Variants in LRRC37A observed in about 807,000 individuals in gnomAD.
The protein encoded by LRRC37A is leucine rich repeat containing 37A.
Under a neutral mutation model 35.4 loss-of-function variants are expected in LRRC37A, and 3 were observed. The observed-to-expected ratio is 0.08, with a 90% CI of 0.04 to 0.22. The LOEUF is 0.22. Among genes scored for constraint, LRRC37A ranks in the 10% least tolerant of loss-of-function variants. LRRC37A has a pLI of 1.00. For synonymous variants in LRRC37A, 23 were observed against 215.0 expected (o/e 0.11, Z 7.81); for missense variants, 67 against 565.3 (o/e 0.12, Z 8.94).
the LRRC37A span, among the ~76,000 whole-genome samples, chr17:46,253,973 G>C: frequency 6.6e-6 from 1 of 152,234 alleles, no homozygotes; most frequent in Non-Finnish European, 1.5e-5. Context: ...GAAGGGGGAT[G>C]CAAGTGGCCA....
At chr17:46,317,093 T>C (rs1180447878) in intron 5 of LRRC37A, among the ~76,000 whole-genome samples, 3,933 of 58,322 alleles carry the variant, frequency 0.067, 242 homozygotes, top group Middle Eastern at 0.31. Flanking sequence ...AAACCGCCAT[T>C]GTCATCATGG....
the LRRC37A span, among the ~76,000 whole-genome samples, chr17:46,278,700 C>T: frequency 6.6e-6 from 1 of 152,206 alleles, no homozygotes. Flanking sequence ...CCGCACCTGG[C>T]TGAGTCCAAG....
chr17:46,316,559 C>A (rs1385929297), intron 5 of LRRC37A, among the ~76,000 whole-genome samples: 1 of 66,130 alleles, frequency 1.5e-5, no homozygotes, highest in Admixed American at 1.6e-4. Flanking sequence ...CCTCAGCCTC[C>A]TGGGTAGCTG....
chr17:46,255,139 C>G, the LRRC37A span, among the ~76,000 whole-genome samples: 1 of 151,908 alleles, frequency 6.6e-6, no homozygotes, highest in Non-Finnish European at 1.5e-5. Context: ...CCCAGCCCTG[C>G]CCAGCTAATT....
At chr17:46,277,911 G>A in the LRRC37A span, among the ~76,000 whole-genome samples, 2 of 152,204 alleles carry the variant, frequency 1.3e-5, no homozygotes, top group Non-Finnish European at 2.9e-5. Context: ...AAAAGTGCTA[G>A]GATTACGGAC....
chr17:46,253,352 C>T, the LRRC37A span, among the ~76,000 whole-genome samples: 1 of 152,140 alleles, frequency 6.6e-6, no homozygotes, highest in Non-Finnish European at 1.5e-5. Context: ...GGGGTGGCGG[C>T]CGGGCAGAGG....
intron 5 of LRRC37A, among the ~76,000 whole-genome samples, chr17:46,317,147 G>T (rs1319530464): frequency 3.3e-5 from 3 of 89,696 alleles, no homozygotes; most frequent in Non-Finnish European, 3.2e-5. Context: ...AGATGGGGTG[G>T]CGGCCGGGCA....
chr17:46,271,332 A>ATTTTTTTTTTTTTTTT, the LRRC37A span, among the ~76,000 whole-genome samples: 8 of 125,640 alleles, frequency 6.4e-5, no homozygotes, highest in East Asian at 5.3e-4. Context: ...TACCTAGCTA[A>ATTTTTTTTTTTTTTTT]TTTTTTTTTT....
the LRRC37A span, chr17:46,274,731 T>C: frequency 6.6e-6 from 1 of 152,630 alleles, no homozygotes; most frequent in Non-Finnish European, 1.5e-5. Flanking sequence ...ACGTGGCATT[T>C]CCATGGAGTT....
the LRRC37A span, among the ~76,000 whole-genome samples, chr17:46,259,111 A>G: frequency 2.1e-4 from 31 of 149,024 alleles, no homozygotes; most frequent in African/African-American, 7.5e-4. Context: ...AACTATACAG[A>G]AACCAAAACC....
chr17:46,266,360 G>GCTAT, the LRRC37A span, among the ~76,000 whole-genome samples: 2 of 152,240 alleles, frequency 1.3e-5, no homozygotes, highest in Admixed American at 6.5e-5. Flanking sequence ...AGGCTGTGAT[G>GCTAT]CTATCCTCGC....
the LRRC37A span, chr17:46,267,207 C>G: frequency 1.5e-6 from 1 of 646,674 alleles, no homozygotes; most frequent in Non-Finnish European, 2.6e-6. Flanking sequence ...CCCGGAGAAT[C>G]CTGCACGCGA....
chr17:46,279,558 G>C, the LRRC37A span, among the ~76,000 whole-genome samples: 7 of 140,288 alleles, frequency 5.0e-5, no homozygotes, highest in Admixed American at 2.3e-4. Flanking sequence ...CTGGAGTGTA[G>C]TTGCATGAAC....
the LRRC37A span, among the ~76,000 whole-genome samples, chr17:46,263,211 T>G: frequency 1.3e-5 from 2 of 152,136 alleles, no homozygotes; most frequent in African/African-American, 4.8e-5. Context: ...AGTGAGACCC[T>G]GTCTCAATAA....
chr17:46,292,230 A>G (rs546608798), upstream of LRRC37A, among the ~76,000 whole-genome samples: 2 of 76,194 alleles, frequency 2.6e-5, 1 homozygote, highest in Non-Finnish European at 7.8e-5. Context: ...TACTTGGGAA[A>G]CTGAGGCATG....
At chr17:46,282,249 T>C in the LRRC37A span, among the ~76,000 whole-genome samples, 2 of 149,266 alleles carry the variant, frequency 1.3e-5, no homozygotes, top group East Asian at 2.0e-4. Flanking sequence ...ACTACAGGCG[T>C]CTGCCACCAC....
the LRRC37A span, among the ~76,000 whole-genome samples, chr17:46,264,965 G>A: frequency 6.6e-6 from 1 of 152,248 alleles, no homozygotes; most frequent in African/African-American, 2.4e-5. Context: ...CTTAAATAAA[G>A]AGCACGTGAA....
At chr17:46,287,892 A>G (rs960651372), upstream of LRRC37A, among the ~76,000 whole-genome samples, 4 of 152,236 alleles carry the variant, frequency 2.6e-5, no homozygotes, top group African/African-American at 9.6e-5. Context: ...GAAAAAGTAA[A>G]TGTAACAAAC....
At chr17:46,260,606 T>C in the LRRC37A span, 1 of 1,403,166 alleles carries the variant, frequency 7.1e-7, no homozygotes, top group African/African-American at 1.5e-5. Flanking sequence ...TTGGACTGCA[T>C]GGCTCTCTAT....
Sources: gnomAD v4.1 joint callset for allele counts (sites outside exome capture counted in the v4.1 genomes callset) on GRCh38, gnomAD v4.1.1 for gene constraint, MANE v1.5 for transcripts, NCBI Gene and HGNC (gene_info 2026-07-23, HGNC 2026-07-21) for gene names.